Variants in KMT2E observed in about 807,000 individuals in gnomAD.
KMT2E encodes histone reader KMT2E.
Under a neutral mutation model 184.6 loss-of-function variants are expected in KMT2E, and 30 were observed. The ratio of observed to expected loss-of-function variants is 0.16; its 90% CI spans 0.12 to 0.22. The LOEUF is 0.22. KMT2E is among the 10% of genes least tolerant of loss of function. The pLI is 1.00. For missense variants in KMT2E, 2,023 were observed against 2,237.4 expected (o/e 0.90, Z 1.93); for synonymous variants, 815 against 776.5 (o/e 1.05, Z -0.82).
At chr7:105,038,817 A>G (rs1304755258) in intron 2 of KMT2E, among the ~76,000 whole-genome samples, 3 of 141,836 alleles carry the variant, frequency 2.1e-5, no homozygotes, top group African/African-American at 3.2e-5. Flanking sequence ...GAATTTTCTC[A>G]TTATAAGATT....
chr7:105,090,764 T>C (rs1299327577), intron 14 of KMT2E, among the ~76,000 whole-genome samples: 3 of 152,176 alleles, frequency 2.0e-5, no homozygotes, highest in Non-Finnish European at 2.9e-5. Flanking sequence ...TATATTGTTA[T>C]ATGTCCTCTA....
Position 105,076,780 on chromosome 7 carries a change from T to A in KMT2E, c.769-183T>A, listed in dbSNP as rs182812962. Among the ~76,000 whole-genome samples the A allele has an allele frequency of 2.6e-5, 4 of 152,280 alleles. 1 individual carries two copies. The highest frequency in any genetic ancestry group is 2.6e-4 in the Admixed American group (4 of 15,286). Reference sequence around the variant, plus strand: ...TGTTACAGTGTATCTTTTGTCCCTGTGGTATTTATTATTCCACATTTCTGG... The same window carrying A: ...TGTTACAGTGTATCTTTTGTCCCTGAGGTATTTATTATTCCACATTTCTGG... On this transcript the variant is annotated intron_variant, in intron 9 of 26. Coordinates refer to ENST00000311117, the MANE Select transcript of KMT2E (RefSeq NM_182931.3).
intron 13 of KMT2E, among the ~76,000 whole-genome samples, chr7:105,088,144 G>C (rs1163893771): frequency 1.3e-5 from 2 of 152,154 alleles, no homozygotes; most frequent in Non-Finnish European, 2.9e-5. Context: ...AATGTAATCT[G>C]TCTGGTTTCA....
intron 15 of KMT2E, among the ~76,000 whole-genome samples, chr7:105,098,234 AT>A (rs34674654): frequency 3.8e-3 from 524 of 136,856 alleles, no homozygotes; most frequent in Middle Eastern, 7.9e-3. Flanking sequence ...TCCTTTTCCT[AT>A]TTTTTTTTTT....
chr7:105,050,546 T>C (rs1442944313), intron 3 of KMT2E, among the ~76,000 whole-genome samples: 1 of 152,244 alleles, frequency 6.6e-6, no homozygotes, highest in African/African-American at 2.4e-5. Context: ...CAGCTTCACT[T>C]GGAATTCTTG....
intron 1 of KMT2E, among the ~76,000 whole-genome samples, chr7:105,027,762 T>C (rs1187110664): frequency 6.6e-6 from 1 of 152,064 alleles, no homozygotes; most frequent in African/African-American, 2.4e-5. Context: ...GACAGGAAAA[T>C]GCTGTAGAAG....
In KMT2E at chr7:105,107,757, A is replaced by G. The variant is rs372500057; in HGVS notation, c.3300A>G (p.Arg1100=). ...SHQLEVGGGF[R]ISESKCLMQD... is the part of the protein sequence containing the mutation. ...AGTTGGAGGTTGGAGGAGGCTTCCGAATAAGTGAGTCAAAGTGCCTGATGC... is the reference window on the plus strand; with the variant it reads ...AGTTGGAGGTTGGAGGAGGCTTCCGGATAAGTGAGTCAAAGTGCCTGATGC... The change falls in exon 22 of 27, where the codon CGA becomes CGG. Residue 1100 remains arginine (R), a synonymous_variant. Transcript: ENST00000311117. The G allele has an allele frequency of 1.2e-6, 2 of 1,613,992 alleles. No homozygotes were observed. Among genetic ancestry groups the G allele is most frequent in the African/African-American group, 1.3e-5 (1 of 74,894 alleles).
At chr7:105,034,923 C>T (rs1795573405) in intron 1 of KMT2E, among the ~76,000 whole-genome samples, 1 of 151,840 alleles carries the variant, frequency 6.6e-6, no homozygotes, top group South Asian at 2.1e-4. Flanking sequence ...TGGTGCAATC[C>T]TGGCTCACTG....
chr7:105,030,191 T>C (rs1332385064), intron 1 of KMT2E, among the ~76,000 whole-genome samples: 1 of 152,088 alleles, frequency 6.6e-6, no homozygotes, highest in Non-Finnish European at 1.5e-5. Context: ...GTAGAACAAG[T>C]TTTATAGCTG....
chr7:105,018,877 A>T (rs949929303), intron 1 of KMT2E, among the ~76,000 whole-genome samples: 1 of 152,146 alleles, frequency 6.6e-6, no homozygotes, highest in African/African-American at 2.4e-5. Flanking sequence ...TGTTTTCTAC[A>T]CTAAACTGGA....
At chr7:105,098,355 T>G (rs1398435704) in intron 15 of KMT2E, among the ~76,000 whole-genome samples, 1 of 151,910 alleles carries the variant, frequency 6.6e-6, no homozygotes, top group African/African-American at 2.4e-5. Flanking sequence ...TCCTCCTGCC[T>G]CAGTGTCTGG....
chr7:105,111,754 T>C (rs1272075357), intron 26 of KMT2E, 71 bp from the exon 27 acceptor site: 3 of 1,497,558 alleles, frequency 2.0e-6, no homozygotes, highest in Admixed American at 4.5e-5. Context: ...TAGTATTAAA[T>C]ACCAACAAGA....
Position 105,092,244 on chromosome 7 carries a change from C to T in KMT2E, c.1722+930C>T, listed in dbSNP as rs562479819. Reference sequence around the variant, plus strand: ...CAGCCTGGTCAACATGGCAAAACCACGTCTCTACTAAAAATACAAAAATTA... The same window carrying T: ...CAGCCTGGTCAACATGGCAAAACCATGTCTCTACTAAAAATACAAAAATTA... On this transcript the variant is annotated intron_variant, in intron 15 of 26. Transcript: ENST00000311117. Among the ~76,000 whole-genome samples, 46 of 152,226 alleles carry T rather than the reference C, an allele frequency of 3.0e-4. No homozygotes were observed. The Middle Eastern group carries it at 0.01, about 34-fold the overall frequency.
chr7:105,093,199 A>AAAAC (rs1021722675), intron 15 of KMT2E, among the ~76,000 whole-genome samples: 5 of 152,200 alleles, frequency 3.3e-5, no homozygotes, highest in Non-Finnish European at 5.9e-5. Context: ...TCCTTGTCAC[A>AAAAC]AAACAAACAA....
chr7:105,100,959 TTTAA>T (rs1798631107), intron 15 of KMT2E, among the ~76,000 whole-genome samples: 1 of 152,180 alleles, frequency 6.6e-6, no homozygotes, highest in Non-Finnish European at 1.5e-5. Flanking sequence ...AATCATAATT[TTTAA>T]ATGCAAGACT....
rs542521206 is a variant in KMT2E at position 105,080,542 on chromosome 7, C to T, written c.1249-1146C>T. 6.6e-5 allele frequency among the ~76,000 whole-genome samples: 10 copies of T among 152,192 alleles called. No homozygotes were observed. The East Asian group carries it at 1.9e-3, about 29-fold the overall frequency. ...GCGCTGCTGCACCCAGCTAAGAGTA[C>T]AGATTTTGGAACCAGACTTAAATTT... On this transcript the variant is annotated intron_variant, in intron 12 of 26. Coordinates refer to ENST00000311117, the MANE Select transcript of KMT2E (RefSeq NM_182931.3).
chr7:105,066,655 A>C, intron 5 of KMT2E, 72 bp from the exon 6 acceptor site: 1 of 1,195,494 alleles, frequency 8.4e-7, no homozygotes, highest in African/African-American at 1.5e-5. Flanking sequence ...ATGATAGTTA[A>C]ATGGAATATC....
At chr7:105,058,157 A>G (rs187592750) in intron 3 of KMT2E, among the ~76,000 whole-genome samples, 1 of 152,216 alleles carries the variant, frequency 6.6e-6, no homozygotes, top group African/African-American at 2.4e-5. Context: ...TACTTCCCCC[A>G]TATTTCTGAT....
chr7:105,063,696 G>C (rs1796912840), intron 5 of KMT2E, 116 bp downstream of exon 5: 2 of 670,960 alleles, frequency 3.0e-6, no homozygotes, highest in Non-Finnish European at 4.8e-6. Context: ...ATTTTAAGTG[G>C]GACTTCTACT....
Sources: allele counts gnomAD v4.1 joint callset (sites outside exome capture counted in the v4.1 genomes callset), GRCh38; gene constraint gnomAD v4.1.1; transcripts MANE v1.5; gene names NCBI Gene and HGNC (gene_info 2026-07-23, HGNC 2026-07-21).